DLGAP1: variants seen among roughly 807,000 people sequenced by gnomAD.
DLGAP1 encodes disks large-associated protein 1.
DLGAP1 carries 11 observed loss-of-function variants against 90.8 expected under a neutral mutation model. The ratio of observed to expected loss-of-function variants is 0.12; its 90% CI spans 0.08 to 0.20. The LOEUF is 0.20. Among genes scored for constraint, DLGAP1 ranks in the 10% least tolerant of loss-of-function variants. The probability of loss-of-function intolerance (pLI) is 1.00; values close to 1 mark genes in which losing one functional copy is unlikely to be tolerated. For missense variants in DLGAP1, 1,050 were observed against 1,333.8 expected, an observed-to-expected ratio of 0.79 and a Z score of 3.31; for synonymous variants, 558 against 540.7, an observed-to-expected ratio of 1.03 and a Z score of -0.44.
rs1038892493 is a variant in DLGAP1, at chr18:4,329,264, G to A, written c.-267+125742C>T. On this transcript the variant is annotated intron_variant, in intron 1 of 12. Coordinates refer to ENST00000315677, the MANE Select transcript of DLGAP1 (RefSeq NM_004746.4). Reference sequence around the variant, plus strand: ...TTCCAGCATCATTTTTTGAAAAAACGAAGATTTCTACATTGAATTACCCTG... The same window carrying A: ...TTCCAGCATCATTTTTTGAAAAAACAAAGATTTCTACATTGAATTACCCTG... 5.3e-5 allele frequency among the ~76,000 whole-genome samples: 8 copies of A among 151,836 alleles called. No homozygotes were observed. In the East Asian group the frequency reaches 5.8e-4, roughly 11 times the overall value.
intron 7 of DLGAP1, among the ~76,000 whole-genome samples, chr18:3,688,746 C>G (rs2146985703): frequency 6.6e-6 from 1 of 152,118 alleles, no homozygotes; most frequent in African/African-American, 2.4e-5. Flanking sequence ...TTGGAGACAT[C>G]TGGCAATGCT....
Position 3,516,462 on chromosome 18 carries a change from G to A in DLGAP1, c.2480-7801C>T, listed in dbSNP as rs536051965. On this transcript the variant is annotated intron_variant, in intron 10 of 12. Transcript: ENST00000315677. ...ATCAGAGGACTCACTATCTATGGCAGATATAGCCTTATGGAATGTATTTTT... is the reference window on the plus strand; with the variant it reads ...ATCAGAGGACTCACTATCTATGGCAAATATAGCCTTATGGAATGTATTTTT... Among the ~76,000 whole-genome samples the A allele has an allele frequency of 5.9e-5, 9 of 152,292 alleles. No individual in the cohort carries two copies. In the East Asian group the frequency reaches 1.4e-3, roughly 23 times the overall value.
At chr18:4,266,237 C>T (rs1334365344) in intron 1 of DLGAP1, among the ~76,000 whole-genome samples, 1 of 152,202 alleles carries the variant, frequency 6.6e-6, no homozygotes, top group East Asian at 1.9e-4. Flanking sequence ...AGTAGCTCTA[C>T]ACTCCATCCA....
At chr18:4,133,311 G>A (rs1292738830) in intron 2 of DLGAP1, among the ~76,000 whole-genome samples, 1 of 152,132 alleles carries the variant, frequency 6.6e-6, no homozygotes, top group African/African-American at 2.4e-5. Context: ...AACACCAGAG[G>A]TACAAGGGTT....
At chr18:3,856,020 A>G (rs527957024) in intron 4 of DLGAP1, among the ~76,000 whole-genome samples, 1 of 152,342 alleles carries the variant, frequency 6.6e-6, no homozygotes, top group East Asian at 1.9e-4. Context: ...GGAAAGTGCC[A>G]TTGGGGTGGG....
chr18:3,982,710 AG>A (rs2073759899), intron 3 of DLGAP1, among the ~76,000 whole-genome samples: 1 of 152,116 alleles, frequency 6.6e-6, no homozygotes, highest in African/African-American at 2.4e-5. Context: ...CTGGTTTGGA[AG>A]CTCAGTGATG....
At chr18:3,909,267 G>T (rs1335534835) in intron 3 of DLGAP1, among the ~76,000 whole-genome samples, 1 of 152,264 alleles carries the variant, frequency 6.6e-6, no homozygotes, top group Non-Finnish European at 1.5e-5. Flanking sequence ...ATTGCTTAGG[G>T]TCATGGCCTA....
At chr18:4,085,881 T>C (rs1441052667) in intron 2 of DLGAP1, among the ~76,000 whole-genome samples, 3 of 152,218 alleles carry the variant, frequency 2.0e-5, no homozygotes, top group African/African-American at 7.2e-5. Flanking sequence ...TCATTTCCTT[T>C]TGATTTTTCA....
chr18:3,644,272 T>C (rs2059041101), intron 7 of DLGAP1, among the ~76,000 whole-genome samples: 1 of 152,178 alleles, frequency 6.6e-6, no homozygotes, highest in Non-Finnish European at 1.5e-5. Context: ...TATTGACAGA[T>C]TTGAGAGTTG....
At chr18:4,433,956 C>T (rs1017395224) in intron 1 of DLGAP1, among the ~76,000 whole-genome samples, 5 of 152,090 alleles carry the variant, frequency 3.3e-5, no homozygotes, top group Non-Finnish European at 7.4e-5. Flanking sequence ...CATCTGGTCA[C>T]ACACCCTACA....
At chr18:3,805,137 G>C (rs2066505093) in intron 5 of DLGAP1, among the ~76,000 whole-genome samples, 1 of 152,234 alleles carries the variant, frequency 6.6e-6, no homozygotes, top group Non-Finnish European at 1.5e-5. Flanking sequence ...CATATGTGGA[G>C]CAACTACTGT....
intron 3 of DLGAP1, among the ~76,000 whole-genome samples, chr18:3,956,819 T>A (rs1013943285): frequency 6.6e-6 from 1 of 151,866 alleles, no homozygotes; most frequent in Non-Finnish European, 1.5e-5. Flanking sequence ...CCTGGCTAAT[T>A]TTTGTATTTT....
intron 1 of DLGAP1, among the ~76,000 whole-genome samples, chr18:4,427,917 A>T (rs557537302): frequency 8.5e-5 from 13 of 152,342 alleles, no homozygotes; most frequent in Non-Finnish European, 1.3e-4. Flanking sequence ...TTGCAAAATC[A>T]TTTCAGAATA....
rs190578211 is a variant in DLGAP1, at chr18:3,981,053, T to C, written c.-73+24063A>G. ...CATATAGATTCTCATTTTTAAAGAA[T>C]GCATGGTTAGCAAATACATTGGAAA... On this transcript the variant is annotated intron_variant, in intron 3 of 12. Transcript: ENST00000315677. Among the ~76,000 whole-genome samples, 4 of 152,344 alleles carry C rather than the reference T, an allele frequency of 2.6e-5. No individual in the cohort carries two copies. The East Asian group carries it at 5.8e-4, about 22-fold the overall frequency.
intron 7 of DLGAP1, among the ~76,000 whole-genome samples, chr18:3,675,524 A>G (rs1078561): frequency 0.13 from 20,265 of 152,228 alleles, 2,864 homozygotes; most frequent in African/African-American, 0.36. Flanking sequence ...CTCTGGCCTC[A>G]GAGTCTGAAT....
At chr18:4,059,374 C>T (rs1233420028) in intron 2 of DLGAP1, among the ~76,000 whole-genome samples, 1 of 152,106 alleles carries the variant, frequency 6.6e-6, no homozygotes, top group Non-Finnish European at 1.5e-5. Flanking sequence ...GTTTGATTTC[C>T]CCAAACCTTA....
At chr18:4,351,231 C>T (rs1259814783) in intron 1 of DLGAP1, among the ~76,000 whole-genome samples, 1 of 152,192 alleles carries the variant, frequency 6.6e-6, no homozygotes, top group Admixed American at 6.5e-5. Flanking sequence ...GATTAAAACA[C>T]TGCCACAGGC....
chr18:4,073,000 A>G (rs1183877270), intron 2 of DLGAP1, among the ~76,000 whole-genome samples: 2 of 152,154 alleles, frequency 1.3e-5, no homozygotes, highest in Non-Finnish European at 2.9e-5. Context: ...TGGACTCCCC[A>G]TTACAAACAG....
chr18:3,972,682 C>T (rs747800560), intron 3 of DLGAP1, among the ~76,000 whole-genome samples: 1 of 152,150 alleles, frequency 6.6e-6, no homozygotes, highest in African/African-American at 2.4e-5. Context: ...CCACTGTCCA[C>T]GTAGGAACTT....
Sources: allele counts gnomAD v4.1 joint callset (sites outside exome capture counted in the v4.1 genomes callset), GRCh38; gene constraint gnomAD v4.1.1; transcripts MANE v1.5; gene names NCBI Gene and HGNC (gene_info 2026-07-23, HGNC 2026-07-21).